FRMD4A: variants seen among roughly 807,000 people sequenced by gnomAD.
The protein encoded by FRMD4A is FERM domain containing 4A, also known as FERM domain-containing protein 4A.
A neutral mutation model predicts 129.1 loss-of-function variants in FRMD4A; 29 were observed. The observed-to-expected ratio is 0.22, with a 90% CI of 0.17 to 0.31. The LOEUF is 0.31. FRMD4A is among the 10% of genes least tolerant of loss of function. The pLI is 1.00. For missense variants in FRMD4A, 1,272 were observed against 1,375.8 expected (o/e 0.92, Z 1.19); for synonymous variants, 634 against 571.6 (o/e 1.11, Z -1.56).
chr10:14,161,370 CATG>C (rs775171192), intron 2 of FRMD4A, among the ~76,000 whole-genome samples: 10 of 152,302 alleles, frequency 6.6e-5, no homozygotes, highest in Non-Finnish European at 1.3e-4. Context: ...CCTGCACCCC[CATG>C]TTTTTTGCAG....
At chr10:13,971,784 G>A in intron 2 of FRMD4A, 2 of 1,304,282 alleles carry the variant, frequency 1.5e-6, no homozygotes, top group Non-Finnish European at 2.0e-6. Context: ...TCAGAGCCAA[G>A]CAGCCCAGCA....
At chr10:13,730,402 C>T (rs138974607) in intron 12 of FRMD4A, among the ~76,000 whole-genome samples, 11 of 152,140 alleles carry the variant, frequency 7.2e-5, no homozygotes, top group Non-Finnish European at 1.2e-4. Context: ...CACAACTGCC[C>T]GAAACCCGTG....
At chr10:13,687,865 A>T (rs1056237737) in intron 15 of FRMD4A, among the ~76,000 whole-genome samples, 1 of 152,208 alleles carries the variant, frequency 6.6e-6, no homozygotes, top group Non-Finnish European at 1.5e-5. Context: ...TCAGTGCTGC[A>T]TGGGGAGGTG....
At chr10:14,182,231 C>G (rs895147227) in intron 2 of FRMD4A, among the ~76,000 whole-genome samples, 4 of 152,150 alleles carry the variant, frequency 2.6e-5, no homozygotes, top group Non-Finnish European at 5.9e-5. Flanking sequence ...TTTGAACTCT[C>G]AAGCTGTGTT....
chr10:14,127,975 T>C, intron 2 of FRMD4A, among the ~76,000 whole-genome samples: 1 of 21,858 alleles, frequency 4.6e-5, no homozygotes, highest in African/African-American at 1.7e-4. Flanking sequence ...TCTTTCTTTC[T>C]TTCCTTCTCT....
intron 15 of FRMD4A, among the ~76,000 whole-genome samples, chr10:13,690,362 G>A (rs1589391361): frequency 6.6e-6 from 1 of 152,220 alleles, no homozygotes; most frequent in Non-Finnish European, 1.5e-5. Flanking sequence ...CTTTCATCAC[G>A]GGAAAGCTTT....
intron 2 of FRMD4A, among the ~76,000 whole-genome samples, chr10:13,931,073 G>A (rs1447638616): frequency 1.3e-5 from 2 of 152,154 alleles, no homozygotes; most frequent in African/African-American, 2.4e-5. Context: ...AGCCTCAAGC[G>A]ATCCTCTCAC....
intron 3 of FRMD4A, among the ~76,000 whole-genome samples, chr10:13,851,231 G>C (rs1257109425): frequency 1.3e-5 from 2 of 151,272 alleles, no homozygotes; most frequent in African/African-American, 4.9e-5. Context: ...AACAAAAAAA[G>C]AAAAAGAAAA....
At chr10:14,009,353 C>T (rs1010606318) in intron 2 of FRMD4A, among the ~76,000 whole-genome samples, 2 of 151,914 alleles carry the variant, frequency 1.3e-5, no homozygotes, top group Admixed American at 6.6e-5. Flanking sequence ...TCTACATACA[C>T]TGCTTCTGTC....
intron 3 of FRMD4A, among the ~76,000 whole-genome samples, chr10:13,815,526 C>T (rs527770322): frequency 4.0e-5 from 6 of 151,672 alleles, no homozygotes; most frequent in South Asian, 4.2e-4. Context: ...ATTGCACATA[C>T]GAAAATGGTT....
chr10:14,178,417 T>G (rs1290951387), intron 2 of FRMD4A, among the ~76,000 whole-genome samples: 2 of 152,246 alleles, frequency 1.3e-5, no homozygotes, highest in African/African-American at 4.8e-5. Flanking sequence ...CAAAGTCTTG[T>G]GTTTATCAAA....
At chr10:13,945,334 A>C (rs2095323821) in intron 2 of FRMD4A, among the ~76,000 whole-genome samples, 1 of 152,018 alleles carries the variant, frequency 6.6e-6, no homozygotes, top group South Asian at 2.1e-4. Flanking sequence ...TGGTTTTGTC[A>C]TGTGATTTTT....
At chr10:13,998,214 C>G (rs1370185039) in intron 2 of FRMD4A, among the ~76,000 whole-genome samples, 2 of 152,162 alleles carry the variant, frequency 1.3e-5, no homozygotes, top group Non-Finnish European at 2.9e-5. Flanking sequence ...ATGCCAATCT[C>G]CAGTGGTATA....
intron 2 of FRMD4A, among the ~76,000 whole-genome samples, chr10:13,984,129 G>A (rs753244186): frequency 7.2e-5 from 11 of 152,120 alleles, no homozygotes; most frequent in African/African-American, 4.8e-5. Flanking sequence ...AGTGGCCTGG[G>A]GTGCTTTCTG....
At chr10:13,950,153 G>A (rs1209208879) in intron 2 of FRMD4A, among the ~76,000 whole-genome samples, 1 of 152,210 alleles carries the variant, frequency 6.6e-6, no homozygotes, top group Non-Finnish European at 1.5e-5. Flanking sequence ...TGAAAAACAT[G>A]TACACACCCT....
chr10:13,915,222 CTGAAGGGAATGG>C (rs2094987029), intron 2 of FRMD4A, among the ~76,000 whole-genome samples: 1 of 152,154 alleles, frequency 6.6e-6, no homozygotes, highest in Non-Finnish European at 1.5e-5. Context: ...GCTTCAATGA[CTGAAGGGAATGG>C]TGATGTCTAG....
intron 2 of FRMD4A, among the ~76,000 whole-genome samples, chr10:13,963,458 T>C (rs938920205): frequency 6.6e-6 from 1 of 152,142 alleles, no homozygotes; most frequent in African/African-American, 2.4e-5. Flanking sequence ...ACTTTCCACA[T>C]GTGGAAACGT....
intron 24 of FRMD4A, 184 bp downstream of exon 24, chr10:13,651,719 A>AATATCATAATTTTGATGTAAGAACC: frequency 1.6e-6 from 1 of 607,714 alleles, no homozygotes; most frequent in Non-Finnish European, 3.0e-6. Context: ...CAGTGTTAGG[A>AATATCATAATTTTGATGTAAGAACC]ATATCATAAT....
chr10:13,707,299 T>A, intron 12 of FRMD4A, 186 bp from the exon 13 acceptor site: 1 of 1,011,524 alleles, frequency 9.9e-7, no homozygotes, highest in Non-Finnish European at 1.3e-6. Flanking sequence ...GCTCTCCAGT[T>A]CAAAACCAGG....
Sources: gnomAD v4.1 joint callset for allele counts (sites outside exome capture counted in the v4.1 genomes callset) on GRCh38, gnomAD v4.1.1 for gene constraint, MANE v1.5 for transcripts, NCBI Gene and HGNC (gene_info 2026-07-23, HGNC 2026-07-21) for gene names.